PDE1C: variants seen among roughly 807,000 people sequenced by gnomAD.
PDE1C encodes the protein dual specificity calcium/calmodulin-dependent 3',5'-cyclic nucleotide phosphodiesterase 1C.
Under a neutral mutation model 93.1 loss-of-function variants are expected in PDE1C, and 62 were observed. That is an observed-to-expected ratio of 0.67 (90% CI 0.54 to 0.82). The LOEUF (loss-of-function observed/expected upper bound fraction) is 0.82, where lower values mean the gene tolerates loss of function less well. PDE1C is among the 40% of genes least tolerant of loss of function. The probability of loss-of-function intolerance (pLI) is 0.00; values close to 1 mark genes in which losing one functional copy is unlikely to be tolerated. For synonymous variants in PDE1C, 325 were observed against 310.1 expected (o/e 1.05, Z -0.50); for missense variants, 742 against 884.6 (o/e 0.84, Z 2.04).
chr7:31,894,568 G>A (rs997261050), intron 2 of PDE1C, among the ~76,000 whole-genome samples: 1 of 152,162 alleles, frequency 6.6e-6, no homozygotes, highest in Non-Finnish European at 1.5e-5. Flanking sequence ...TACTTGCTGT[G>A]GACCAGGTGC....
rs1413858918 is a variant in PDE1C, at chr7:31,809,109, C to G, written c.1814-1G>C. ...TTATTTTTACCATCTTTGAAGTCAC[C>G]TGAAAGTAATAAACATGACAAACAG... On this transcript the variant is annotated splice_acceptor_variant, in intron 15 of 17. Coordinates refer to ENST00000396191, the MANE Select transcript of PDE1C (RefSeq NM_001191057.4). LOFTEE classifies it high-confidence loss of function. 1 of 1,540,244 alleles carries G rather than the reference C, an allele frequency of 6.5e-7. No homozygotes were observed. The highest frequency in any genetic ancestry group is 9.0e-7 in the Non-Finnish European group (1 of 1,114,536).
chr7:31,723,978 T>C, the PDE1C span, among the ~76,000 whole-genome samples: 1 of 152,132 alleles, frequency 6.6e-6, no homozygotes, highest in African/African-American at 2.4e-5. Flanking sequence ...TACTTCTATA[T>C]CATCTCAGGG....
chr7:32,224,682 C>A (rs182367096), intron 1 of PDE1C, among the ~76,000 whole-genome samples: 2 of 152,150 alleles, frequency 1.3e-5, no homozygotes, highest in Non-Finnish European at 2.9e-5. Flanking sequence ...TCACTGAGCA[C>A]GTGTGCGACA....
At chr7:32,169,185 T>C (rs1269753019) in intron 3 of PDE1C, among the ~76,000 whole-genome samples, 1 of 152,150 alleles carries the variant, frequency 6.6e-6, no homozygotes, top group Non-Finnish European at 1.5e-5. Flanking sequence ...GATTTTTATT[T>C]AATATGGGTG....
intron 1 of PDE1C, among the ~76,000 whole-genome samples, chr7:32,056,352 CTCT>C (rs1794083819): frequency 7.2e-6 from 1 of 138,916 alleles, no homozygotes; most frequent in South Asian, 2.4e-4. Context: ...CTCTCTCTCT[CTCT>C]CTCTCTCACT....
intron 1 of PDE1C, among the ~76,000 whole-genome samples, chr7:32,407,793 C>T (rs906819255): frequency 3.2e-4 from 48 of 152,106 alleles, no homozygotes; most frequent in African/African-American, 1.0e-3. Context: ...GAGGATCCAG[C>T]ACTCCAGCAA....
chr7:32,277,657 G>C (rs929089529), intron 1 of PDE1C, among the ~76,000 whole-genome samples: 1 of 152,152 alleles, frequency 6.6e-6, no homozygotes, highest in Non-Finnish European at 1.5e-5. Context: ...GAGGTCACCA[G>C]ACAAAAGGAA....
intron 16 of PDE1C, among the ~76,000 whole-genome samples, chr7:31,780,414 A>T (rs920534066): frequency 6.6e-6 from 1 of 152,120 alleles, no homozygotes; most frequent in Non-Finnish European, 1.5e-5. Flanking sequence ...GCCGATTTAG[A>T]CTGCACGTCT....
At chr7:31,930,848 C>CAA (rs56394903) in intron 2 of PDE1C, among the ~76,000 whole-genome samples, 722 of 32,628 alleles carry the variant, frequency 0.022, 179 homozygotes, top group African/African-American at 0.1. Context: ...GACTCTGTCT[C>CAA]AAAAAAAAAA....
chr7:31,670,807 T>C, the PDE1C span, among the ~76,000 whole-genome samples: 1 of 152,026 alleles, frequency 6.6e-6, no homozygotes, highest in East Asian at 1.9e-4. Flanking sequence ...AAACCACCCA[T>C]GGCCCACCTG....
chr7:31,803,089 T>C (rs1224666403), intron 16 of PDE1C, among the ~76,000 whole-genome samples: 2 of 151,812 alleles, frequency 1.3e-5, no homozygotes, highest in Non-Finnish European at 2.9e-5. Context: ...TTTTTTTCTA[T>C]TTCCTTTTGG....
chr7:32,205,693 T>C (rs989803846), intron 2 of PDE1C, among the ~76,000 whole-genome samples: 1 of 152,198 alleles, frequency 6.6e-6, no homozygotes, highest in African/African-American at 2.4e-5. Context: ...GCTGGCTTTT[T>C]AGGTCTGCAC....
At chr7:31,835,259 G>T (rs1273230570) in intron 11 of PDE1C, among the ~76,000 whole-genome samples, 1 of 152,094 alleles carries the variant, frequency 6.6e-6, no homozygotes, top group African/African-American at 2.4e-5. Flanking sequence ...TATTATCAAA[G>T]AAAGCATATG....
intron 1 of PDE1C, among the ~76,000 whole-genome samples, chr7:32,289,279 C>G (rs1467442981): frequency 5.3e-5 from 8 of 152,076 alleles, no homozygotes. Context: ...TGGTGGTGCA[C>G]ACCTGTAGTC....
intron 2 of PDE1C, among the ~76,000 whole-genome samples, chr7:32,175,298 AT>A (rs1562548841): frequency 1.3e-5 from 2 of 152,212 alleles, no homozygotes; most frequent in South Asian, 4.1e-4. Context: ...AGTCACACAC[AT>A]TTTTTTGGTT....
intron 2 of PDE1C, among the ~76,000 whole-genome samples, chr7:32,030,957 G>C (rs932533686): frequency 2.0e-5 from 3 of 151,950 alleles, no homozygotes; most frequent in African/African-American, 4.8e-5. Flanking sequence ...ATATCCCATA[G>C]AGCCTTTGAT....
Position 31,937,899 on chromosome 7 carries a change from G to A in PDE1C, c.129-57039C>T, listed in dbSNP as rs530136917. 1.2e-3 allele frequency among the ~76,000 whole-genome samples: 185 copies of A among 152,294 alleles called. 1 individual carries two copies. Among genetic ancestry groups the A allele is most frequent in the African/African-American group, 4.4e-3 (181 of 41,558 alleles). ...ATAGTTTCCACAAAAAGCTTCTGAA[G>A]TGGCGAGCTTCAGTTTTTGTAAAAT... On this transcript the variant is annotated intron_variant, in intron 2 of 17. Coordinates refer to ENST00000396191, the MANE Select transcript of PDE1C (RefSeq NM_001191057.4).
intron 17 of PDE1C, among the ~76,000 whole-genome samples, chr7:31,762,024 A>C (rs1794862275): frequency 6.6e-6 from 1 of 152,220 alleles, no homozygotes; most frequent in African/African-American, 2.4e-5. Flanking sequence ...ATTCAGTATC[A>C]ATTTCCATCC....
chr7:31,673,894 T>C, the PDE1C span, among the ~76,000 whole-genome samples: 1 of 152,142 alleles, frequency 6.6e-6, no homozygotes, highest in East Asian at 1.9e-4. Flanking sequence ...CCTTAAATGA[T>C]CGGAGTCCAA....
Sources: gnomAD v4.1 joint callset for allele counts (sites outside exome capture counted in the v4.1 genomes callset) on GRCh38, gnomAD v4.1.1 for gene constraint, MANE v1.5 for transcripts, NCBI Gene and HGNC (gene_info 2026-07-23, HGNC 2026-07-21) for gene names.